Variants in LASP1 observed in about 807,000 individuals in gnomAD.
LASP1 encodes LIM and SH3 domain protein 1.
Under a neutral mutation model 38.6 loss-of-function variants are expected in LASP1, and 10 were observed. The ratio of observed to expected loss-of-function variants is 0.26; its 90% CI spans 0.16 to 0.44. LASP1 has a LOEUF of 0.44. LASP1 is among the 20% of genes least tolerant of loss of function. The pLI is 1.00. For missense variants in LASP1, 243 were observed against 375.7 expected (o/e 0.65, Z 2.92); for synonymous variants, 132 against 140.8 (o/e 0.94, Z 0.44).
In LASP1 at chr17:38,879,903, G is replaced by C. The variant is rs531776970; in HGVS notation, c.164+1723G>C. On this transcript the variant is annotated intron_variant, in intron 2 of 6. Coordinates refer to ENST00000318008, the MANE Select transcript of LASP1 (RefSeq NM_006148.4). ...AGTTGTCCCTTCTGGAAGAAGGAGGGCACTGGGCAGGTTATCTGGGTAAAG... is the reference window on the plus strand; with the variant it reads ...AGTTGTCCCTTCTGGAAGAAGGAGGCCACTGGGCAGGTTATCTGGGTAAAG... Among the ~76,000 whole-genome samples the C allele has an allele frequency of 1.9e-4, 29 of 152,308 alleles. No individual in the cohort carries two copies. In the South Asian group the frequency reaches 6.0e-3, roughly 32 times the overall value.
chr17:38,882,591 T>A (rs906375091), intron 2 of LASP1, among the ~76,000 whole-genome samples: 2 of 152,186 alleles, frequency 1.3e-5, no homozygotes, highest in Non-Finnish European at 2.9e-5. Context: ...GAGCCTGCTC[T>A]TGGTGAGAGA....
At chr17:38,883,124 G>GC (rs1360305437) in intron 2 of LASP1, among the ~76,000 whole-genome samples, 3 of 152,118 alleles carry the variant, frequency 2.0e-5, no homozygotes, top group Non-Finnish European at 2.9e-5. Flanking sequence ...AGGGTTGGGT[G>GC]CAGTGGTTTA....
chr17:38,890,268 TTGG>T, intron 2 of LASP1, 149 bp from the exon 3 acceptor site: 1 of 642,696 alleles, frequency 1.6e-6, no homozygotes, highest in South Asian at 1.8e-5. Flanking sequence ...CCCCTCGGCC[TTGG>T]TGGTGGACAC....
chr17:38,912,812 AAC>A (rs1265072211), intron 4 of LASP1, among the ~76,000 whole-genome samples: 1 of 152,146 alleles, frequency 6.6e-6, no homozygotes, highest in Non-Finnish European at 1.5e-5. Context: ...ATTTCTCTCT[AAC>A]TCAGTTGGCT....
chr17:38,898,597 C>A, intron 4 of LASP1, 78 bp downstream of exon 4: 1 of 1,110,338 alleles, frequency 9.0e-7, no homozygotes, highest in Non-Finnish European at 1.3e-6. Flanking sequence ...CAGACGCAAG[C>A]CTGGCAGATG....
At chr17:38,905,196 T>C (rs1248094215) in intron 4 of LASP1, among the ~76,000 whole-genome samples, 1 of 152,176 alleles carries the variant, frequency 6.6e-6, no homozygotes, top group Non-Finnish European at 1.5e-5. Flanking sequence ...ACATATCTCC[T>C]GAGGTCTATG....
At chr17:38,886,424 C>T (rs1172398022) in intron 2 of LASP1, among the ~76,000 whole-genome samples, 2 of 152,134 alleles carry the variant, frequency 1.3e-5, no homozygotes, top group African/African-American at 4.8e-5. Flanking sequence ...CTTGGAGGCT[C>T]TGGAGTGCCT....
At chr17:38,884,794 G>A (rs146086678) in intron 2 of LASP1, among the ~76,000 whole-genome samples, 1,735 of 150,636 alleles carry the variant, frequency 0.012, 24 homozygotes, top group African/African-American at 0.034. Flanking sequence ...GGGTTCAAGG[G>A]ATTTTCCTGC....
intron 1 of LASP1, among the ~76,000 whole-genome samples, chr17:38,874,794 T>C (rs1031245968): frequency 2.6e-5 from 4 of 152,126 alleles, no homozygotes; most frequent in East Asian, 1.9e-4. Context: ...AAGGAGCTAC[T>C]GATAGAAATA....
intron 2 of LASP1, among the ~76,000 whole-genome samples, chr17:38,882,998 C>T (rs1044702718): frequency 1.3e-5 from 2 of 149,634 alleles, no homozygotes; most frequent in African/African-American, 2.5e-5. Context: ...TCTGCCCCTT[C>T]CCTTAGGCAT....
chr17:38,891,517 G>A (rs1265864400), intron 3 of LASP1, among the ~76,000 whole-genome samples: 2 of 152,130 alleles, frequency 1.3e-5, no homozygotes, highest in African/African-American at 4.8e-5. Context: ...CAGATGAGGC[G>A]ACTGAGGCCC....
chr17:38,899,966 G>A (rs1914594284), intron 4 of LASP1, among the ~76,000 whole-genome samples: 1 of 151,792 alleles, frequency 6.6e-6, no homozygotes, highest in South Asian at 2.1e-4. Context: ...CTGACCTCAG[G>A]TGATGTGCCC....
chr17:38,892,512 C>T (rs1017998294), intron 3 of LASP1, among the ~76,000 whole-genome samples: 3 of 151,686 alleles, frequency 2.0e-5, no homozygotes, highest in Non-Finnish European at 2.9e-5. Context: ...AGAAGGACCT[C>T]GGAGAAGAGG....
At chr17:38,892,304 C>T (rs1169393648) in intron 3 of LASP1, among the ~76,000 whole-genome samples, 1 of 152,198 alleles carries the variant, frequency 6.6e-6, no homozygotes, top group African/African-American at 2.4e-5. Flanking sequence ...CCTGGTAGGG[C>T]CTGAGGCTCA....
chr17:38,870,711 A>T (rs1045956347), intron 1 of LASP1, among the ~76,000 whole-genome samples: 1 of 152,034 alleles, frequency 6.6e-6, no homozygotes, highest in Non-Finnish European at 1.5e-5. Context: ...GGGGCCCTGC[A>T]AAACCGTCCG....
At chr17:38,878,800 C>T (rs983093404) in intron 2 of LASP1, among the ~76,000 whole-genome samples, 1 of 152,124 alleles carries the variant, frequency 6.6e-6, no homozygotes, top group Non-Finnish European at 1.5e-5. Context: ...TAGATCTCTT[C>T]CCTGCCTGGT....
intron 4 of LASP1, among the ~76,000 whole-genome samples, chr17:38,899,410 C>T (rs1018064917): frequency 6.6e-6 from 1 of 152,154 alleles, no homozygotes; most frequent in Admixed American, 6.5e-5. Flanking sequence ...GCCGGGGGAG[C>T]CTGGCTTTCC....
chr17:38,895,868 C>T (rs896083815), intron 3 of LASP1, among the ~76,000 whole-genome samples: 2 of 152,234 alleles, frequency 1.3e-5, no homozygotes, highest in African/African-American at 4.8e-5. Flanking sequence ...CCTCAGATGT[C>T]AGTCAGTCCT....
intron 3 of LASP1, among the ~76,000 whole-genome samples, chr17:38,895,329 GT>G (rs935240079): frequency 8.9e-5 from 13 of 146,634 alleles, no homozygotes; most frequent in African/African-American, 2.7e-4. Flanking sequence ...TAATTTTTGT[GT>G]TTTTTTTTTA....
Sources: allele counts gnomAD v4.1 joint callset (sites outside exome capture counted in the v4.1 genomes callset), GRCh38; gene constraint gnomAD v4.1.1; transcripts MANE v1.5; gene names NCBI Gene and HGNC (gene_info 2026-07-23, HGNC 2026-07-21).